TMEM232: variants seen among roughly 807,000 people sequenced by gnomAD.
The protein encoded by TMEM232 is transmembrane protein 232.
Under a neutral mutation model 78.8 loss-of-function variants are expected in TMEM232, and 80 were observed. The ratio of observed to expected loss-of-function variants is 1.01; its 90% CI spans 0.85 to 1.22. The LOEUF is 1.22. TMEM232 is among the 50% of genes most tolerant of loss of function. The pLI is 0.00. For missense variants in TMEM232, 881 were observed against 742.2 expected (o/e 1.19, Z -2.17); for synonymous variants, 297 against 254.3 (o/e 1.17, Z -1.60).
intron 2 of TMEM232, among the ~76,000 whole-genome samples, chr5:110,412,398 T>C (rs2112583983): frequency 1.3e-5 from 2 of 152,274 alleles, no homozygotes; most frequent in Non-Finnish European, 2.9e-5. Flanking sequence ...TGAAAATCAT[T>C]GAAACACCTG....
intron 1 of TMEM232, among the ~76,000 whole-genome samples, chr5:110,704,502 T>C (rs554501574): frequency 2.0e-4 from 30 of 152,238 alleles, no homozygotes; most frequent in Admixed American, 7.9e-4. Context: ...TTTTTTAACA[T>C]ATACCTTTTG....
intron 1 of TMEM232, chr5:110,667,632 C>A (rs1158205823): frequency 1.0e-5 from 2 of 198,348 alleles, no homozygotes; most frequent in South Asian, 2.5e-4. Flanking sequence ...AGCAGCATGG[C>A]ATGGTAGCTA....
chr5:110,656,871 A>G (rs1789149754), intron 2 of TMEM232, among the ~76,000 whole-genome samples: 2 of 151,956 alleles, frequency 1.3e-5, no homozygotes, highest in Non-Finnish European at 2.9e-5. Context: ...AAAGAAAATC[A>G]TTAGAGTTAA....
At chr5:110,580,936 C>A (rs527344438) in intron 10 of TMEM232, among the ~76,000 whole-genome samples, 2 of 151,420 alleles carry the variant, frequency 1.3e-5, no homozygotes, top group Admixed American at 1.3e-4. Context: ...AAATACAATA[C>A]CTAGGAATAG....
chr5:110,642,546 TC>T (rs1786888501), intron 2 of TMEM232, among the ~76,000 whole-genome samples, 175 bp from the exon 3 acceptor site: 1 of 152,128 alleles, frequency 6.6e-6, no homozygotes, highest in Non-Finnish European at 1.5e-5. Context: ...CCTGGACTGA[TC>T]CTGTCATACT....
intron 12 of TMEM232, among the ~76,000 whole-genome samples, chr5:110,526,685 G>A (rs908046492): frequency 1.3e-5 from 2 of 151,832 alleles, no homozygotes; most frequent in Non-Finnish European, 2.9e-5. Flanking sequence ...CTTTGACCCA[G>A]AAATTACACT....
At chr5:110,731,650 G>A (rs543077591), upstream of TMEM232, among the ~76,000 whole-genome samples, 13 of 152,322 alleles carry the variant, frequency 8.5e-5, no homozygotes, top group South Asian at 2.1e-4. Context: ...AGCCATGGCC[G>A]GAGCAGCTGG....
chr5:110,658,442 T>C (rs1475198090), intron 2 of TMEM232, among the ~76,000 whole-genome samples: 1 of 152,136 alleles, frequency 6.6e-6, no homozygotes, highest in Non-Finnish European at 1.5e-5. Context: ...TCTTGGTAGT[T>C]ATGAATAAAG....
chr5:110,489,090 A>G (rs1045846937), intron 12 of TMEM232, among the ~76,000 whole-genome samples: 4 of 152,006 alleles, frequency 2.6e-5, no homozygotes, highest in Non-Finnish European at 5.9e-5. Context: ...GCAAAAGTGC[A>G]GCATAGAATG....
At chr5:110,726,499 C>T (rs1414229655) in intron 1 of TMEM232, 128 bp downstream of exon 1, 1 of 152,306 alleles carries the variant, frequency 6.6e-6, no homozygotes, top group African/African-American at 2.4e-5. Context: ...AGCTATGGCA[C>T]CCTGAGAAAG....
At chr5:110,646,992 T>A (rs927652533) in intron 2 of TMEM232, among the ~76,000 whole-genome samples, 19 of 151,636 alleles carry the variant, frequency 1.3e-4, no homozygotes, top group African/African-American at 2.7e-4. Context: ...TATCAGAATT[T>A]AAAAAAATAT....
intron 12 of TMEM232, among the ~76,000 whole-genome samples, chr5:110,488,707 C>T (rs1021705686): frequency 6.6e-6 from 1 of 151,700 alleles, no homozygotes; most frequent in African/African-American, 2.4e-5. Context: ...ATGAAATAAG[C>T]TTAGAGTGGA....
intron 3 of TMEM232, 54 bp downstream of exon 3, chr5:110,642,206 G>C: frequency 9.1e-7 from 1 of 1,094,642 alleles, no homozygotes; most frequent in Admixed American, 2.9e-5. Flanking sequence ...GTGTAATCAT[G>C]TACCAACTAG....
chr5:110,679,719 C>T (rs1164090619), intron 1 of TMEM232, among the ~76,000 whole-genome samples: 1 of 147,932 alleles, frequency 6.8e-6, no homozygotes, highest in Non-Finnish European at 1.5e-5. Context: ...TAATATTTAT[C>T]TCCATATTAA....
rs1053034227 is a variant in TMEM232, at chr5:110,509,483, C to A, written c.1703+19105G>T. Among the ~76,000 whole-genome samples the A allele has an allele frequency of 1.7e-4, 26 of 151,986 alleles. 1 individual carries two copies. Among genetic ancestry groups the A allele is most frequent in the Admixed American group, 8.5e-4 (13 of 15,226 alleles). ...TAAAATTTTACAAACAGCTGTAAACCTGTCAATTAATCAGAAAAGCCATTA... is the reference window on the plus strand; with the variant it reads ...TAAAATTTTACAAACAGCTGTAAACATGTCAATTAATCAGAAAAGCCATTA... On this transcript the variant is annotated intron_variant, in intron 12 of 13. Coordinates refer to ENST00000455884, the MANE Select transcript of TMEM232 (RefSeq NM_001039763.4).
chr5:110,635,970 T>A (rs1415991794), intron 5 of TMEM232, among the ~76,000 whole-genome samples: 1 of 152,016 alleles, frequency 6.6e-6, no homozygotes, highest in Non-Finnish European at 1.5e-5. Flanking sequence ...ACTCTCGTGT[T>A]TACTGAAGCA....
rs77909347 is a variant in TMEM232, at chr5:110,568,457, T to C, written c.1445A>G (p.Asn482Ser). The C allele has an allele frequency of 9.2e-3, 14,237 of 1,546,292 alleles. 80 individuals are homozygous for C. Among genetic ancestry groups the C allele is most frequent in the Non-Finnish European group, 0.01 (11,888 of 1,144,622 alleles). Residue 482 changes from asparagine (N) to serine (S), a missense_variant, in exon 11 of 14, where the codon AAT becomes AGT. Asn to Ser is a conservative substitution (Grantham distance 46). Coordinates refer to ENST00000455884, the MANE Select transcript of TMEM232 (RefSeq NM_001039763.4). Reference sequence around the variant, plus strand: ...AGTGTTTTACCTTACCTGAGCTATATTGATTGCATTTTGGATTCGTACATC... The same window carrying C: ...AGTGTTTTACCTTACCTGAGCTATACTGATTGCATTTTGGATTCGTACATC... ...EEDVRIQNAI[N>S]IAQAELNDPT...
intron 10 of TMEM232, among the ~76,000 whole-genome samples, chr5:110,571,078 C>T (rs908201606): frequency 1.3e-5 from 2 of 152,038 alleles, no homozygotes; most frequent in African/African-American, 4.8e-5. Context: ...GAGACTCCTG[C>T]ATTCTTTCTA....
intron 10 of TMEM232, among the ~76,000 whole-genome samples, chr5:110,585,059 T>C (rs934104379): frequency 9.2e-5 from 14 of 152,268 alleles, no homozygotes; most frequent in Admixed American, 5.2e-4. Flanking sequence ...GAATACTTTG[T>C]ATTGTTTATT....
Sources: gnomAD v4.1 joint callset for allele counts (sites outside exome capture counted in the v4.1 genomes callset) on GRCh38, gnomAD v4.1.1 for gene constraint, MANE v1.5 for transcripts, NCBI Gene and HGNC (gene_info 2026-07-23, HGNC 2026-07-21) for gene names.